SFT2D3: variants seen among roughly 807,000 people sequenced by gnomAD.
SFT2D3 encodes SFT2 domain containing 3.
For synonymous variants in SFT2D3, 239 were observed against 191.2 expected (o/e 1.25, Z -2.06); for missense variants, 405 against 334.6 (o/e 1.21, Z -1.64).
In SFT2D3 at chr2:127,703,350, CTT is replaced by C. The variant is rs1190932719; in HGVS notation, c.*1177_*1178del. ...CTACGTTCCCCAAGTTTGAGGACCA[CTT>C]TTCTGTGCATTGGCTTGCACAATTT... On this transcript the variant is annotated 3_prime_UTR_variant, in exon 1 of 1. Coordinates refer to ENST00000310981, the MANE Select transcript of SFT2D3 (RefSeq NM_032740.4). The C allele has an allele frequency of 6.0e-6, 1 of 167,080 alleles. No individual in the cohort carries two copies. The highest frequency in any genetic ancestry group is 3.1e-3 in the Middle Eastern group (1 of 318). 10.3% of individuals were successfully genotyped at this position (167,080 alleles called of 1,614,324 possible). A position where few individuals can be genotyped will look rare whatever the true frequency, so the allele number is the denominator to read the frequency against.
rs1490327348 is a variant in SFT2D3, at chr2:127,704,590, T to G, written c.*2414T>G. 6.0e-6 allele frequency: 1 copy of G among 167,038 alleles called. No homozygotes were observed. Among genetic ancestry groups the G allele is most frequent in the Non-Finnish European group, 1.5e-5 (1 of 68,106 alleles). 10.3% of individuals were successfully genotyped at this position (167,038 alleles called of 1,614,324 possible). On this transcript the variant is annotated 3_prime_UTR_variant, in exon 1 of 1. Transcript: ENST00000310981. Reference sequence around the variant, plus strand: ...TAATAGCATGTTTATGGTGGAGCGCTGATTAAATAAGCTGTAATTTCAAAG... The same window carrying G: ...TAATAGCATGTTTATGGTGGAGCGCGGATTAAATAAGCTGTAATTTCAAAG...
In SFT2D3 at chr2:127,704,904, G is replaced by C. The variant is rs181243557; in HGVS notation, c.*2728G>C. ...GGAGTTTGAAACCAGCATAGACAAA[G>C]TGGTGAAACTCCATCTCTACAAAAA... is the stretch of plus-strand genomic sequence containing the variant. On this transcript the variant is annotated 3_prime_UTR_variant, in exon 1 of 1. Transcript: ENST00000310981. The C allele has an allele frequency of 6.2e-6, 1 of 161,300 alleles. No homozygotes were observed. Among genetic ancestry groups the C allele is most frequent in the East Asian group, 1.9e-4 (1 of 5,184 alleles). 10.0% of individuals were successfully genotyped at this position (161,300 alleles called of 1,614,324 possible). A position where few individuals can be genotyped will look rare whatever the true frequency, so the allele number is the denominator to read the frequency against.
chr2:127,702,188 C>T lies in SFT2D3; in HGVS notation c.*12C>T, dbSNP rs1424377928. ...TGCTGCCCGTGTGAGGACCTCGCGC[C>T]CTCGCCGCTGGGGAAGTACGCGGAG... is the stretch of plus-strand genomic sequence containing the variant. On this transcript the variant is annotated 3_prime_UTR_variant, in exon 1 of 1. Transcript: ENST00000310981. The T allele has an allele frequency of 6.6e-6, 8 of 1,213,722 alleles. No individual in the cohort carries two copies. The African/African-American group carries it at 9.5e-5, about 14-fold the overall frequency. The allele number at this position is 1,213,722 out of a possible 1,614,324, so 75.2% of individuals were successfully genotyped here. A position where few individuals can be genotyped will look rare whatever the true frequency, so the allele number is the denominator to read the frequency against.
At position 127,702,252 on chromosome 2, in the gene SFT2D3, T is replaced by C. The variant is rs1331594300; in HGVS notation, c.*76T>C. The C allele has an allele frequency of 1.7e-6, 2 of 1,156,888 alleles. No individual in the cohort carries two copies. Among genetic ancestry groups the C allele is most frequent in the East Asian group, 4.1e-5 (1 of 24,446 alleles). 71.7% of individuals were successfully genotyped at this position (1,156,888 alleles called of 1,614,324 possible). On this transcript the variant is annotated 3_prime_UTR_variant, in exon 1 of 1. Coordinates refer to ENST00000310981, the MANE Select transcript of SFT2D3 (RefSeq NM_032740.4). ...AGACCGCGCCGGCCGAGCTGAGGAC[T>C]GCACGCCGCTGTGCGGAAGCCCGTG...
In SFT2D3 at chr2:127,703,399, C is replaced by G. The variant is rs1267892886; in HGVS notation, c.*1223C>G. On this transcript the variant is annotated 3_prime_UTR_variant, in exon 1 of 1. Transcript: ENST00000310981. ...ATTTGAAAGTAATGCTTTTCCTGAG[C>G]TGGATCCCAGTGTTGCCTTAACAGG... 3 of 167,062 alleles carry G rather than the reference C, an allele frequency of 1.8e-5. No individual in the cohort carries two copies. Among genetic ancestry groups the G allele is most frequent in the African/African-American group, 7.2e-5 (3 of 41,452 alleles). The allele number at this position is 167,062 out of a possible 1,614,324, so 10.3% of individuals were successfully genotyped here.
Position 127,701,569 on chromosome 2 carries a change from A to G in SFT2D3, c.41A>G (p.Gln14Arg). 2.2e-6 allele frequency: 3 copies of G among 1,359,098 alleles called. No individual in the cohort carries two copies. The highest frequency in any genetic ancestry group is 2.9e-6 in the Non-Finnish European group (3 of 1,052,526). The allele number at this position is 1,359,098 out of a possible 1,614,324, so 84.2% of individuals were successfully genotyped here. ...CGCCAGCTGCAGGAGTACCTGGCGC[A>G]GGGGAAAGCTGGCGGCCCGGCGGCC... ...LHRQLQEYLAQGKAGGPAAAE... is the reference protein window; with the variant it reads ...LHRQLQEYLARGKAGGPAAAE... The change falls in exon 1 of 1, where the codon CAG (glutamine) becomes CGG (arginine). Residue 14 changes from glutamine to arginine, a missense_variant. Coordinates refer to ENST00000310981, the MANE Select transcript of SFT2D3 (RefSeq NM_032740.4).
In SFT2D3 at chr2:127,702,145, GCGC is replaced by G. The variant is rs773842156; in HGVS notation, c.620_622del (p.Ala207del). 65 of 1,215,232 alleles carry G rather than the reference GCGC, an allele frequency of 5.3e-5. No homozygotes were observed. The highest frequency in any genetic ancestry group is 8.7e-5 in the Admixed American group (2 of 22,950). The allele number at this position is 1,215,232 out of a possible 1,614,324, so 75.3% of individuals were successfully genotyped here. A position where few individuals can be genotyped will look rare whatever the true frequency, so the allele number is the denominator to read the frequency against. ...CTCGCACTGGGTCGCCTGGGCCGCG[GCGC>G]CGGCCTCGCCAAGGTGCTGCCCGTG... is the stretch of plus-strand genomic sequence containing the variant. On this transcript the variant is annotated inframe_deletion, in exon 1 of 1. Coordinates refer to ENST00000310981, the MANE Select transcript of SFT2D3 (RefSeq NM_032740.4).
chr2:127,701,888 G>C lies in SFT2D3; in HGVS notation c.360G>C (p.Leu120Phe). 1 of 1,457,030 alleles carries C rather than the reference G, an allele frequency of 6.9e-7. No individual in the cohort carries two copies. The highest frequency in any genetic ancestry group is 9.0e-7 in the Non-Finnish European group (1 of 1,110,604). 90.3% of individuals were successfully genotyped at this position (1,457,030 alleles called of 1,614,324 possible). Reference protein sequence around the residue: ...LLWSLGSALALAGSALLRGGA... With the variant: ...LLWSLGSALAFAGSALLRGGA... ...GGTCACTGGGCTCGGCGCTGGCGTT[G>C]GCGGGAAGCGCGCTGCTGCGGGGCG... The change falls in exon 1 of 1, where the codon TTG becomes TTC. Residue 120 changes from leucine to phenylalanine, a missense_variant. Transcript: ENST00000310981.
Position 127,702,370 on chromosome 2 carries a change from G to C in SFT2D3, c.*194G>C, listed in dbSNP as rs1685915274. The C allele has an allele frequency of 2.5e-6, 1 of 404,204 alleles. No homozygotes were observed. Among genetic ancestry groups the C allele is most frequent in the South Asian group, 1.3e-4 (1 of 7,886 alleles). The allele number at this position is 404,204 out of a possible 1,614,324, so 25.0% of individuals were successfully genotyped here. A position where few individuals can be genotyped will look rare whatever the true frequency, so the allele number is the denominator to read the frequency against. On this transcript the variant is annotated 3_prime_UTR_variant, in exon 1 of 1. Coordinates refer to ENST00000310981, the MANE Select transcript of SFT2D3 (RefSeq NM_032740.4). ...CAGCGTTGGGAGCTCCTCGATGTCA[G>C]CTTTTTGTGCTGGACTTGGCACACG...
At position 127,701,606 on chromosome 2, in the gene SFT2D3, G is replaced by T; in HGVS notation, c.78G>T (p.Leu26=). ...GCGGCCCGGCGGCCGCGGAGCCGCT[G>T]CTCGCCGCGGAGAAGGCGGAGGAGC... ...KAGGPAAAEP[L]LAAEKAEEPG... The change falls in exon 1 of 1, where the codon CTG becomes CTT. Residue 26 remains leucine (L), a synonymous_variant. Coordinates refer to ENST00000310981, the MANE Select transcript of SFT2D3 (RefSeq NM_032740.4). The T allele has an allele frequency of 7.4e-7, 1 of 1,347,352 alleles. No individual in the cohort carries two copies. The highest frequency in any genetic ancestry group is 1.9e-5 in the South Asian group (1 of 52,958). The allele number at this position is 1,347,352 out of a possible 1,614,324, so 83.5% of individuals were successfully genotyped here.
chr2:127,704,702 T>C lies in SFT2D3; in HGVS notation c.*2526T>C, dbSNP rs1348124678. The C allele has an allele frequency of 6.0e-6, 1 of 167,096 alleles. No homozygotes were observed. Among genetic ancestry groups the C allele is most frequent in the Non-Finnish European group, 1.5e-5 (1 of 68,126 alleles). The allele number at this position is 167,096 out of a possible 1,614,324, so 10.4% of individuals were successfully genotyped here. A position where few individuals can be genotyped will look rare whatever the true frequency, so the allele number is the denominator to read the frequency against. On this transcript the variant is annotated 3_prime_UTR_variant, in exon 1 of 1. Coordinates refer to ENST00000310981, the MANE Select transcript of SFT2D3 (RefSeq NM_032740.4). ...CTCACTCCACAGAAATCAATTAGCT[T>C]TTGCTGTTTTTTACATTCATAGAGA...
In SFT2D3 at chr2:127,701,772, G is replaced by GGGTGCCT. The variant is rs769591410; in HGVS notation, c.246_252dup (p.Leu85ValfsTer158). Reference sequence around the variant, plus strand: ...CGGGCAGCGGCTGGCGGCGGGCGGCGGGTGCCTGCTGCTGGCTGCACTGTG... The same window carrying GGGTGCCT: ...CGGGCAGCGGCTGGCGGCGGGCGGCGGGTGCCTGGTGCCTGCTGCTGGCTGCACTGTG... On this transcript the variant is annotated frameshift_variant, in exon 1 of 1. Transcript: ENST00000310981. LOFTEE classifies it low-confidence loss of function (END_TRUNC). The GGGTGCCT allele has an allele frequency of 7.0e-7, 1 of 1,428,334 alleles. No individual in the cohort carries two copies. Among genetic ancestry groups the GGGTGCCT allele is most frequent in the South Asian group, 1.4e-5 (1 of 73,768 alleles). 88.5% of individuals were successfully genotyped at this position (1,428,334 alleles called of 1,614,324 possible).
rs1379135326 is a variant in SFT2D3, at chr2:127,701,927, A to G, written c.399A>G (p.Gly133=). Residue 133 remains glycine (G), a synonymous_variant, in exon 1 of 1, where the codon GGA becomes GGG. Coordinates refer to ENST00000310981, the MANE Select transcript of SFT2D3 (RefSeq NM_032740.4). ...SALLRGGAAC[G]RLLRCEEAPS... is the part of the protein sequence containing the mutation. ...TGCTGCGGGGCGGCGCGGCGTGCGG[A>G]CGCCTGCTGCGCTGCGAAGAAGCGC... The G allele has an allele frequency of 7.0e-7, 1 of 1,435,074 alleles. No individual in the cohort carries two copies. The highest frequency in any genetic ancestry group is 2.8e-5 in the Admixed American group (1 of 35,712). The allele number at this position is 1,435,074 out of a possible 1,614,324, so 88.9% of individuals were successfully genotyped here.
chr2:127,702,318 A>G lies in SFT2D3; in HGVS notation c.*142A>G. 1.1e-6 allele frequency: 1 copy of G among 912,868 alleles called. No homozygotes were observed. The highest frequency in any genetic ancestry group is 1.4e-6 in the Non-Finnish European group (1 of 707,834). 56.5% of individuals were successfully genotyped at this position (912,868 alleles called of 1,614,324 possible). A position where few individuals can be genotyped will look rare whatever the true frequency, so the allele number is the denominator to read the frequency against. On this transcript the variant is annotated 3_prime_UTR_variant, in exon 1 of 1. Transcript: ENST00000310981. Reference sequence around the variant, plus strand: ...TAACAGCCTGCGAGTCTAATCCGGGAGCGGCTGCTGCCAGCGGAGGCGACA... The same window carrying G: ...TAACAGCCTGCGAGTCTAATCCGGGGGCGGCTGCTGCCAGCGGAGGCGACA...
In SFT2D3 at chr2:127,701,767, G is replaced by A; in HGVS notation, c.239G>A (p.Gly80Asp). The part of the protein sequence containing the change: ...SVTRGQRLAA[G>D]GGCLLLAALC... ...ACGCGCGGGCAGCGGCTGGCGGCGGGCGGCGGGTGCCTGCTGCTGGCTGCA... is the reference window on the plus strand; with the variant it reads ...ACGCGCGGGCAGCGGCTGGCGGCGGACGGCGGGTGCCTGCTGCTGGCTGCA... The change falls in exon 1 of 1, where the codon GGC (glycine) becomes GAC (aspartate). Residue 80 changes from glycine to aspartate, a missense_variant. By Grantham distance (94) the Gly-to-Asp change is moderately conservative. Coordinates refer to ENST00000310981, the MANE Select transcript of SFT2D3 (RefSeq NM_032740.4). 7.0e-7 allele frequency: 1 copy of A among 1,426,848 alleles called. No homozygotes were observed. The highest frequency in any genetic ancestry group is 9.2e-7 in the Non-Finnish European group (1 of 1,090,212). The allele number at this position is 1,426,848 out of a possible 1,614,324, so 88.4% of individuals were successfully genotyped here. A position where few individuals can be genotyped will look rare whatever the true frequency, so the allele number is the denominator to read the frequency against.
In SFT2D3 at chr2:127,701,849, G is replaced by C; in HGVS notation, c.321G>C (p.Lys107Asn). 1 of 1,459,822 alleles carries C rather than the reference G, an allele frequency of 6.9e-7. No individual in the cohort carries two copies. Among genetic ancestry groups the C allele is most frequent in the Non-Finnish European group, 9.0e-7 (1 of 1,110,578 alleles). The allele number at this position is 1,459,822 out of a possible 1,614,324, so 90.4% of individuals were successfully genotyped here. ...CGGTGTTGCTGCTGCGCGCGCGCAA[G>C]TTCGCGCTGCTCTGGTCACTGGGCT... ...YAPVLLLRARKFALLWSLGSA... is the reference protein window; with the variant it reads ...YAPVLLLRARNFALLWSLGSA... Residue 107 changes from lysine to asparagine, a missense_variant, in exon 1 of 1, where the codon AAG becomes AAC. Coordinates refer to ENST00000310981, the MANE Select transcript of SFT2D3 (RefSeq NM_032740.4).
chr2:127,702,317 G>A lies in SFT2D3; in HGVS notation c.*141G>A. On this transcript the variant is annotated 3_prime_UTR_variant, in exon 1 of 1. Coordinates refer to ENST00000310981, the MANE Select transcript of SFT2D3 (RefSeq NM_032740.4). ...CTAACAGCCTGCGAGTCTAATCCGG[G>A]AGCGGCTGCTGCCAGCGGAGGCGAC... 1 of 921,756 alleles carries A rather than the reference G, an allele frequency of 1.1e-6. No homozygotes were observed. The highest frequency in any genetic ancestry group is 1.4e-6 in the Non-Finnish European group (1 of 715,820). The allele number at this position is 921,756 out of a possible 1,614,324, so 57.1% of individuals were successfully genotyped here. A position where few individuals can be genotyped will look rare whatever the true frequency, so the allele number is the denominator to read the frequency against.
At position 127,701,633 on chromosome 2, in the gene SFT2D3, C is replaced by G; in HGVS notation, c.105C>G (p.Pro35=). 2.3e-6 allele frequency: 3 copies of G among 1,320,200 alleles called. No individual in the cohort carries two copies. Among genetic ancestry groups the G allele is most frequent in the Non-Finnish European group, 2.9e-6 (3 of 1,038,830 alleles). 81.8% of individuals were successfully genotyped at this position (1,320,200 alleles called of 1,614,324 possible). ...PLLAAEKAEE[P]GDRPAEEWLG... ...TCGCCGCGGAGAAGGCGGAGGAGCC[C>G]GGGGACCGGCCGGCGGAGGAGTGGC... The change falls in exon 1 of 1, where the codon CCC becomes CCG. Residue 35 remains proline, a synonymous_variant. Transcript: ENST00000310981.
At position 127,702,010 on chromosome 2, in the gene SFT2D3, T is replaced by G; in HGVS notation, c.482T>G (p.Leu161Arg). 1 of 1,308,614 alleles carries G rather than the reference T, an allele frequency of 7.6e-7. No individual in the cohort carries two copies. Among genetic ancestry groups the G allele is most frequent in the South Asian group, 2.0e-5 (1 of 50,652 alleles). 81.1% of individuals were successfully genotyped at this position (1,308,614 alleles called of 1,614,324 possible). A position where few individuals can be genotyped will look rare whatever the true frequency, so the allele number is the denominator to read the frequency against. The stretch of plus-strand genomic sequence containing the variant: ...CTGGGCGCCACGCTGTTCGCCGCGC[T>G]GGGCCTTCGCAGCACGCTGCTCACG... ...AALGATLFAA[L>R]GLRSTLLTVL... Residue 161 changes from leucine (L) to arginine (R), a missense_variant, in exon 1 of 1, where the codon CTG becomes CGG. Physicochemically the swap from Leu to Arg is moderately radical, Grantham distance 102. Coordinates refer to ENST00000310981, the MANE Select transcript of SFT2D3 (RefSeq NM_032740.4).
Sources: allele counts gnomAD v4.1 joint callset, GRCh38; gene constraint gnomAD v4.1.1; transcripts MANE v1.5; gene names NCBI Gene and HGNC (gene_info 2026-07-23, HGNC 2026-07-21).